Variants in PLAAT5 observed in about 807,000 individuals in gnomAD.
PLAAT5 encodes the protein phospholipase A and acyltransferase 5.
PLAAT5 carries 27 observed loss-of-function variants against 27.8 expected under a neutral mutation model. That is an observed-to-expected ratio of 0.97 (90% CI 0.72 to 1.34). The LOEUF (loss-of-function observed/expected upper bound fraction) is 1.34. PLAAT5 is among the 40% of genes most tolerant of loss of function. The pLI is 0.00. For synonymous variants in PLAAT5, 125 were observed against 136.1 expected (o/e 0.92, Z 0.57); for missense variants, 368 against 343.8 (o/e 1.07, Z -0.56).
At chr11:63,476,882 C>T (rs1001904698) in intron 3 of PLAAT5, among the ~76,000 whole-genome samples, 1 of 151,914 alleles carries the variant, frequency 6.6e-6, no homozygotes, top group African/African-American at 2.4e-5. Context: ...TTTCTTTTTC[C>T]TCCTACTCTT....
At position 63,463,570 on chromosome 11, in the gene PLAAT5, G is replaced by A. The variant is rs35375575; in HGVS notation, c.743C>T (p.Ala248Val). 5,420 of 1,613,476 alleles carry A rather than the reference G, an allele frequency of 3.4e-3. 156 individuals carry two copies. In the African/African-American group the frequency reaches 0.065, roughly 19 times the overall value. The change falls in exon 6 of 6, where the codon GCG (alanine) becomes GTG (valine). Residue 248 changes from alanine (A) to valine (V), a missense_variant. Ala to Val is a moderately conservative substitution (Grantham distance 64, BLOSUM62 0). Transcript: ENST00000540857. ...QQVEHALMEG[A>V]KAAGAVISAV... ...TGAAATAACTGCTCCAGCAGCCTTC[G>A]CTCCTTCCATCAGGGCGTGCTCTAC...
rs549159971 is a variant in PLAAT5 at position 63,490,483 on chromosome 11, G to C, written c.149-150C>G. On this transcript the variant is annotated intron_variant, in intron 1 of 5. Coordinates refer to ENST00000540857, the MANE Select transcript of PLAAT5 (RefSeq NM_001146729.2). ...CAGAAAATCTTGGGATGAATGGAGA[G>C]GGTTGTGGAACTAGGTGCTGGAGCG... The C allele has an allele frequency of 3.2e-6, 4 of 1,267,284 alleles. No homozygotes were observed. The East Asian group carries it at 9.3e-5, about 29-fold the overall frequency. 78.5% of individuals were successfully genotyped at this position (1,267,284 alleles called of 1,614,324 possible).
At chr11:63,475,262 T>G (rs1165320715) in intron 3 of PLAAT5, among the ~76,000 whole-genome samples, 1 of 152,118 alleles carries the variant, frequency 6.6e-6, no homozygotes. Flanking sequence ...TCCCAACTAT[T>G]ATTTCTGAAT....
chr11:63,488,619 T>C (rs2016491182), intron 3 of PLAAT5, among the ~76,000 whole-genome samples: 1 of 151,844 alleles, frequency 6.6e-6, no homozygotes, highest in Admixed American at 6.6e-5. Context: ...CAGCTTTGAA[T>C]GTGGCCCAAC....
intron 3 of PLAAT5, among the ~76,000 whole-genome samples, chr11:63,483,266 A>T (rs1487396160): frequency 6.6e-6 from 1 of 152,124 alleles, no homozygotes; most frequent in Non-Finnish European, 1.5e-5. Context: ...AACTTAACAG[A>T]TATTTACAGA....
Position 63,466,296 on chromosome 11 carries a change from A to C in PLAAT5, c.531T>G (p.Asp177Glu). 1 of 1,614,174 alleles carries C rather than the reference A, an allele frequency of 6.2e-7. No individual in the cohort carries two copies. Among genetic ancestry groups the C allele is most frequent in the Admixed American group, 1.7e-5 (1 of 60,012 alleles). Residue 177 changes from aspartate to glutamate, a missense_variant, in exon 5 of 6, where the codon GAT becomes GAG. Transcript: ENST00000540857. ...RAVVKYSRLE[D>E]VLHGCSWKVN... ...CCTTCCAGGAGCAGCCATGCAGCAC[A>C]TCCTCCAGACGACTGTATTTCACCA... is the stretch of plus-strand genomic sequence containing the variant.
chr11:63,480,710 G>A (rs910092324), intron 3 of PLAAT5, among the ~76,000 whole-genome samples: 6 of 152,108 alleles, frequency 3.9e-5, no homozygotes, highest in African/African-American at 9.7e-5. Flanking sequence ...CCAAGGTTGC[G>A]GTTATACTGG....
rs2015759525 is a variant in PLAAT5, at chr11:63,463,104, T to A, written c.*399A>T. ...ACATTTTAGTTAAATAAAAAGAACA[T>A]CTGGAAAAAGACATCTTCGTTACTG... On this transcript the variant is annotated 3_prime_UTR_variant, in exon 6 of 6. Coordinates refer to ENST00000540857, the MANE Select transcript of PLAAT5 (RefSeq NM_001146729.2). 2 of 171,200 alleles carry A rather than the reference T, an allele frequency of 1.2e-5. No homozygotes were observed. Among genetic ancestry groups the A allele is most frequent in the Admixed American group, 5.9e-5 (1 of 17,080 alleles). The allele number at this position is 171,200 out of a possible 1,614,324, so 10.6% of individuals were successfully genotyped here. A position where few individuals can be genotyped will look rare whatever the true frequency, so the allele number is the denominator to read the frequency against.
intron 3 of PLAAT5, among the ~76,000 whole-genome samples, chr11:63,474,592 T>A (rs951928483): frequency 6.6e-6 from 1 of 152,142 alleles, no homozygotes; most frequent in Non-Finnish European, 1.5e-5. Context: ...GTTTGTCTAT[T>A]TTACCTTTCC....
chr11:63,465,975 C>T (rs2015850160), intron 5 of PLAAT5, 135 bp downstream of exon 5: 7 of 925,938 alleles, frequency 7.6e-6, no homozygotes, highest in Non-Finnish European at 1.1e-5. Context: ...CCATAAAGTC[C>T]TGCAGAAATA....
intron 5 of PLAAT5, 93 bp from the exon 6 acceptor site, chr11:63,463,688 G>A (rs1256071322): frequency 9.6e-6 from 9 of 935,396 alleles, no homozygotes; most frequent in Non-Finnish European, 1.4e-5. Flanking sequence ...TCAGCAACCA[G>A]CCTGTCTGGA....
intron 4 of PLAAT5, among the ~76,000 whole-genome samples, chr11:63,467,332 T>C (rs764422884): frequency 6.6e-6 from 1 of 152,124 alleles, no homozygotes; most frequent in Non-Finnish European, 1.5e-5. Context: ...CTGGACTTAG[T>C]CTGGAAAGAA....
At chr11:63,483,822 T>TATAC (rs2016361623) in intron 3 of PLAAT5, among the ~76,000 whole-genome samples, 1 of 103,356 alleles carries the variant, frequency 9.7e-6, no homozygotes, top group Non-Finnish European at 2.0e-5. Context: ...TATATATATA[T>TATAC]ATATATATAT....
intron 3 of PLAAT5, among the ~76,000 whole-genome samples, chr11:63,485,485 C>A (rs2016412011): frequency 6.6e-6 from 1 of 152,000 alleles, no homozygotes; most frequent in Non-Finnish European, 1.5e-5. Flanking sequence ...AAAATACAGC[C>A]AACTGTCTTC....
At chr11:63,483,848 TA>T (rs1335419227) in intron 3 of PLAAT5, among the ~76,000 whole-genome samples, 2 of 114,874 alleles carry the variant, frequency 1.7e-5, no homozygotes, top group Non-Finnish European at 3.8e-5. Context: ...TATATACACA[TA>T]TATATATATG....
intron 3 of PLAAT5, among the ~76,000 whole-genome samples, chr11:63,485,806 A>C (rs1856181149): frequency 1.3e-5 from 2 of 152,240 alleles, no homozygotes; most frequent in Non-Finnish European, 2.9e-5. Context: ...GCTTCTGCAC[A>C]GCAAAAGAAA....
chr11:63,486,300 G>T (rs1590628163), intron 3 of PLAAT5, among the ~76,000 whole-genome samples: 1 of 152,086 alleles, frequency 6.6e-6, no homozygotes, highest in Non-Finnish European at 1.5e-5. Context: ...CAGAGGAAAA[G>T]AAGTCATTGT....
intron 3 of PLAAT5, chr11:63,469,541 A>AT (rs1338164912): frequency 4.2e-6 from 1 of 237,080 alleles, no homozygotes; most frequent in African/African-American, 2.3e-5. Flanking sequence ...CCCAAAAGTG[A>AT]TACTAAAAAG....
At chr11:63,487,347 C>T (rs2016460904) in intron 3 of PLAAT5, among the ~76,000 whole-genome samples, 1 of 152,072 alleles carries the variant, frequency 6.6e-6, no homozygotes, top group Admixed American at 6.5e-5. Context: ...CATTATTAGT[C>T]ATTAGGAAAA....
Sources: gnomAD v4.1 joint callset for allele counts (sites outside exome capture counted in the v4.1 genomes callset) on GRCh38, gnomAD v4.1.1 for gene constraint, MANE v1.5 for transcripts, NCBI Gene and HGNC (gene_info 2026-07-23, HGNC 2026-07-21) for gene names.